SPI1: variants seen among roughly 807,000 people sequenced by gnomAD.
SPI1 encodes Spi-1 proto-oncogene.
SPI1 carries 3 observed loss-of-function variants against 30.7 expected under a neutral mutation model. That is an observed-to-expected ratio of 0.10 (90% CI 0.04 to 0.25). SPI1 has a LOEUF of 0.25. SPI1 is among the 10% of genes least tolerant of loss of function. The probability of loss-of-function intolerance (pLI) is 1.00; values close to 1 mark genes in which losing one functional copy is unlikely to be tolerated. For missense variants in SPI1, 261 were observed against 371.5 expected (o/e 0.70, Z 2.45); for synonymous variants, 169 against 157.1 (o/e 1.08, Z -0.56).
rs1238241957 is a variant in SPI1, at chr11:47,359,434, T to G, written c.330+419A>C. 1.3e-5 allele frequency among the ~76,000 whole-genome samples: 2 copies of G among 151,592 alleles called. No individual in the cohort carries two copies. The highest frequency in any genetic ancestry group is 2.9e-5 in the Non-Finnish European group (2 of 67,860). On this transcript the variant is annotated intron_variant, in intron 3 of 4. Transcript: ENST00000378538. This position sits in a 1 kb window ranked among gnomAD's most constrained non-coding sequence, Gnocchi z 5.1. ...GGACCCTGGAGGTCAGTAGGGGTGG[T>G]AGAGGTCAGCAGAGGTCACTGATCC...
chr11:47,361,700 T>A (rs901372437), intron 2 of SPI1, among the ~76,000 whole-genome samples: 2 of 152,180 alleles, frequency 1.3e-5, no homozygotes, highest in Non-Finnish European at 2.9e-5. Context: ...TGTACGTGTG[T>A]ACAAAGGTGT....
intron 4 of SPI1, among the ~76,000 whole-genome samples, chr11:47,356,921 CACCTCA>C (rs2095911170): frequency 7.2e-6 from 1 of 138,042 alleles, no homozygotes; most frequent in Non-Finnish European, 1.6e-5. Context: ...TGTGCTCACA[CACCTCA>C]CACCATTCAC....
chr11:47,367,715 A>G (rs1334145314), intron 2 of SPI1, among the ~76,000 whole-genome samples: 1 of 149,060 alleles, frequency 6.7e-6, no homozygotes, highest in Non-Finnish European at 1.5e-5. Context: ...ATGTAAAATG[A>G]TGCAGCCACT....
At chr11:47,371,979 A>C (rs1189362860) in intron 2 of SPI1, among the ~76,000 whole-genome samples, 1 of 152,162 alleles carries the variant, frequency 6.6e-6, no homozygotes, top group African/African-American at 2.4e-5. Flanking sequence ...GTCACATGTG[A>C]ATTACGAGTT....
At chr11:47,368,442 G>T (rs934677588) in intron 2 of SPI1, among the ~76,000 whole-genome samples, 1 of 152,172 alleles carries the variant, frequency 6.6e-6, no homozygotes, top group African/African-American at 2.4e-5. Context: ...TGAAAACAGG[G>T]TCTTTCCACA....
chr11:47,358,278 C>T (rs1347858588), intron 4 of SPI1: 5 of 463,490 alleles, frequency 1.1e-5, no homozygotes, highest in Admixed American at 3.8e-5. Flanking sequence ...GCTGTCACAC[C>T]CCCACTCACA....
intron 2 of SPI1, among the ~76,000 whole-genome samples, chr11:47,364,192 G>C (rs2095925140): frequency 1.3e-5 from 2 of 151,572 alleles, no homozygotes; most frequent in Admixed American, 1.3e-4. Context: ...TGGGACTACA[G>C]GTGCCTGCCA....
At chr11:47,370,246 T>G (rs2142894346) in intron 2 of SPI1, among the ~76,000 whole-genome samples, 1 of 151,256 alleles carries the variant, frequency 6.6e-6, no homozygotes, top group East Asian at 1.9e-4. Flanking sequence ...CTACTAAAAA[T>G]ATAAAAATTA....
chr11:47,369,237 G>A (rs1465184881), intron 2 of SPI1, among the ~76,000 whole-genome samples: 1 of 152,226 alleles, frequency 6.6e-6, no homozygotes, highest in East Asian at 1.9e-4. Context: ...GGGTGACAGA[G>A]TGAGACTGTC....
rs1565641687 is a variant in SPI1 at position 47,366,837 on chromosome 11, GAAA to G, written c.143-6800_143-6798del. On this transcript the variant is annotated intron_variant, in intron 2 of 4. Coordinates refer to ENST00000378538, the MANE Select transcript of SPI1 (RefSeq NM_003120.3). The stretch of plus-strand genomic sequence containing the variant: ...ACGCTGTCTCAAAAAGAAAAGAAAA[GAAA>G]AGAAAAGAAAAGAAACAGGCTCAGA... 2.4e-4 allele frequency among the ~76,000 whole-genome samples: 37 copies of G among 151,534 alleles called. No homozygotes were observed. In the East Asian group the frequency reaches 2.5e-3, roughly 10 times the overall value.
chr11:47,358,175 ACT>A (rs1209733771), intron 4 of SPI1: 3 of 234,146 alleles, frequency 1.3e-5, no homozygotes, highest in Admixed American at 9.9e-5. Flanking sequence ...TCACACATCC[ACT>A]GACACACACC....
chr11:47,371,032 A>G (rs1394662338), intron 2 of SPI1, among the ~76,000 whole-genome samples: 2 of 152,138 alleles, frequency 1.3e-5, no homozygotes, highest in Non-Finnish European at 2.9e-5. Context: ...TCTCTATTCC[A>G]CATCTTCATT....
rs765822817 is a variant in SPI1 at position 47,374,672 on chromosome 11, C to A, written c.142+961G>T. 6.6e-6 allele frequency among the ~76,000 whole-genome samples: 1 copy of A among 151,896 alleles called. No homozygotes were observed. The highest frequency in any genetic ancestry group is 1.5e-5 in the Non-Finnish European group (1 of 67,776). On this transcript the variant is annotated intron_variant, in intron 2 of 4. Coordinates refer to ENST00000378538, the MANE Select transcript of SPI1 (RefSeq NM_003120.3). This position sits in a 1 kb window ranked among gnomAD's most constrained non-coding sequence, Gnocchi z 4.5. ...GAGGAATTCCCCAGTGACGACTCAC[C>A]CACTGACTAGGCCACCTCGCTTTGG...
In SPI1 at chr11:47,359,044, C is replaced by T. The variant is rs1272414383; in HGVS notation, c.331-38G>A. ...GGAAGGAGATCAGAGTCAGGAAGGG[C>T]CAGCTTACAGCTCAGGGGGGCTGGG... is the stretch of plus-strand genomic sequence containing the variant. On this transcript the variant is annotated intron_variant, in intron 3 of 4. Coordinates refer to ENST00000378538, the MANE Select transcript of SPI1 (RefSeq NM_003120.3). This position sits in a 1 kb window ranked among gnomAD's most constrained non-coding sequence, Gnocchi z 5.1. 6.6e-7 allele frequency: 1 copy of T among 1,507,826 alleles called. No homozygotes were observed. Among genetic ancestry groups the T allele is most frequent in the East Asian group, 2.3e-5 (1 of 43,682 alleles). 93.4% of individuals were successfully genotyped at this position (1,507,826 alleles called of 1,614,324 possible). A position where few individuals can be genotyped will look rare whatever the true frequency, so the allele number is the denominator to read the frequency against.
In SPI1 at chr11:47,374,273, G is replaced by A. The variant is rs949512878; in HGVS notation, c.142+1360C>T. The stretch of plus-strand genomic sequence containing the variant: ...CCTGGGTTTCCCACCAAGAGGATGT[G>A]TTTTTTACATAATTACAAATAAGCT... On this transcript the variant is annotated intron_variant, in intron 2 of 4. Transcript: ENST00000378538. The surrounding 1 kb of genome is among the most constrained non-coding windows in gnomAD (Gnocchi z 4.5). Among the ~76,000 whole-genome samples the A allele has an allele frequency of 6.6e-6, 1 of 152,176 alleles. No homozygotes were observed.
chr11:47,357,079 T>C (rs184655438), intron 4 of SPI1, among the ~76,000 whole-genome samples: 153 of 147,808 alleles, frequency 1.0e-3, no homozygotes, highest in African/African-American at 3.7e-3. Flanking sequence ...ATGCTAACAC[T>C]TCACACATGC....
intron 2 of SPI1, among the ~76,000 whole-genome samples, chr11:47,371,788 G>A (rs1164180433): frequency 6.6e-6 from 1 of 152,166 alleles, no homozygotes; most frequent in African/African-American, 2.4e-5. Flanking sequence ...GCTTCCCATG[G>A]TGTGTATGAT....
At chr11:47,376,076 C>T (rs144025268) in intron 1 of SPI1, among the ~76,000 whole-genome samples, 22 of 152,120 alleles carry the variant, frequency 1.4e-4, no homozygotes, top group South Asian at 4.1e-4. Flanking sequence ...CATGTCCACA[C>T]GATCCCTGTG....
Position 47,355,254 on chromosome 11 carries a change from C to T in SPI1, c.786G>A (p.Leu262=), listed in dbSNP as rs1190473586. ...AGTGGGGCGGGTGGCGCCGCTCGGCCAGGCCCCCGCGGCCCAGCACTTCGC... is the reference window on the plus strand; with the variant it reads ...AGTGGGGCGGGTGGCGCCGCTCGGCTAGGCCCCCGCGGCCCAGCACTTCGC... ...FSGEVLGRGG[L]AERRHPPH The change falls in exon 5 of 5, where the codon CTG becomes CTA. Residue 262 remains leucine, a synonymous_variant. Transcript: ENST00000378538. 1 of 1,475,320 alleles carries T rather than the reference C, an allele frequency of 6.8e-7. No homozygotes were observed. The highest frequency in any genetic ancestry group is 2.7e-5 in the East Asian group (1 of 37,046). 91.4% of individuals were successfully genotyped at this position (1,475,320 alleles called of 1,614,324 possible).
Sources: gnomAD v4.1 joint callset for allele counts (sites outside exome capture counted in the v4.1 genomes callset) on GRCh38, gnomAD v4.1.1 for gene constraint, Gnocchi (gnomAD v3.1) non-coding constraint, MANE v1.5 for transcripts, NCBI Gene and HGNC (gene_info 2026-07-23, HGNC 2026-07-21) for gene names.